Variants in SP4 observed in about 807,000 individuals in gnomAD.
The protein encoded by SP4 is Sp4 transcription factor, also known as transcription factor Sp4.
A neutral mutation model predicts 72.8 loss-of-function variants in SP4; 19 were observed. The observed-to-expected ratio is 0.26, with a 90% CI of 0.18 to 0.38. SP4 has a LOEUF of 0.38. Among genes scored for constraint, SP4 ranks in the 10% least tolerant of loss-of-function variants. The pLI, the probability that SP4 is intolerant of heterozygous loss-of-function variation, is 1.00. For missense variants in SP4, 1,008 were observed against 926.3 expected (o/e 1.09, Z -1.14); for synonymous variants, 395 against 333.1 (o/e 1.19, Z -2.02).
At position 21,470,013 on chromosome 7, in the gene SP4, A is replaced by G. The variant is rs557578627; in HGVS notation, c.1679-7066A>G. 2.0e-4 allele frequency among the ~76,000 whole-genome samples: 30 copies of G among 152,308 alleles called. No individual in the cohort carries two copies. In the South Asian group the frequency reaches 6.2e-3, roughly 32 times the overall value. On this transcript the variant is annotated intron_variant, in intron 3 of 5. Transcript: ENST00000222584. ...GTTATGCTCTGGGATCTGCTTCTAA[A>G]TGATCTGACTGCCATATCAGTGAGT...
At chr7:21,441,713 G>A (rs1163663926) in intron 3 of SP4, among the ~76,000 whole-genome samples, 1 of 152,196 alleles carries the variant, frequency 6.6e-6, no homozygotes, top group Admixed American at 6.5e-5. Flanking sequence ...GGCTGTGGTA[G>A]TGAAGTAAAT....
intron 5 of SP4, 141 bp from the exon 6 acceptor site, chr7:21,510,881 G>T: frequency 1.3e-6 from 1 of 751,186 alleles, no homozygotes. Context: ...ATTTGATAAC[G>T]TTTTTAAATA....
intron 3 of SP4, among the ~76,000 whole-genome samples, chr7:21,446,861 A>C (rs1018986350): frequency 1.3e-5 from 2 of 152,072 alleles, no homozygotes; most frequent in Non-Finnish European, 1.5e-5. Context: ...GGTTCCAAAA[A>C]ATGTTTTGAC....
At chr7:21,454,681 A>G (rs1355721759) in intron 3 of SP4, among the ~76,000 whole-genome samples, 3 of 152,180 alleles carry the variant, frequency 2.0e-5, no homozygotes, top group Admixed American at 2.0e-4. Flanking sequence ...CTGCTTGGTT[A>G]GATTTTTACT....
chr7:21,491,632 C>T (rs886555715), intron 5 of SP4, among the ~76,000 whole-genome samples: 10 of 152,064 alleles, frequency 6.6e-5, no homozygotes, highest in Non-Finnish European at 1.2e-4. Flanking sequence ...GATAAAAAAT[C>T]TTGAAAGAAG....
At chr7:21,437,666 T>G (rs1260079021) in intron 3 of SP4, among the ~76,000 whole-genome samples, 1 of 152,130 alleles carries the variant, frequency 6.6e-6, no homozygotes, top group Non-Finnish European at 1.5e-5. Flanking sequence ...ACAGGTAAGA[T>G]CCTCTCCTTA....
At chr7:21,431,212 G>C (rs1483173059) in intron 3 of SP4, among the ~76,000 whole-genome samples, 2 of 152,198 alleles carry the variant, frequency 1.3e-5, no homozygotes, top group Non-Finnish European at 2.9e-5. Context: ...AGGGAAAGTA[G>C]TTTTAAACTG....
intron 2 of SP4, 41 bp from the exon 3 acceptor site, chr7:21,429,248 T>C: frequency 8.5e-7 from 1 of 1,176,580 alleles, no homozygotes; most frequent in South Asian, 1.4e-5. Context: ...CGCCCACTTT[T>C]TTTCCCCCCC....
chr7:21,441,365 G>C (rs1026759588), intron 3 of SP4, among the ~76,000 whole-genome samples: 1 of 152,194 alleles, frequency 6.6e-6, no homozygotes, highest in Non-Finnish European at 1.5e-5. Flanking sequence ...GTTCTCTTCT[G>C]TGTGCTTCCT....
At chr7:21,484,239 T>C (rs1333088373) in intron 5 of SP4, among the ~76,000 whole-genome samples, 2 of 151,968 alleles carry the variant, frequency 1.3e-5, no homozygotes, top group Non-Finnish European at 2.9e-5. Context: ...TTTTCAGATT[T>C]TGCATGTGCA....
At chr7:21,435,300 A>T (rs1483344582) in intron 3 of SP4, among the ~76,000 whole-genome samples, 1 of 152,156 alleles carries the variant, frequency 6.6e-6, no homozygotes, top group African/African-American at 2.4e-5. Context: ...TCTCTTACCT[A>T]ATTTCTTTAC....
chr7:21,460,206 T>C (rs1783910461), intron 3 of SP4, among the ~76,000 whole-genome samples: 1 of 152,184 alleles, frequency 6.6e-6, no homozygotes, highest in Admixed American at 6.5e-5. Context: ...CCACGGACCC[T>C]TGCGGTGAGT....
At chr7:21,461,161 G>C (rs1331216521) in intron 3 of SP4, among the ~76,000 whole-genome samples, 1 of 152,178 alleles carries the variant, frequency 6.6e-6, no homozygotes, top group African/African-American at 2.4e-5. Context: ...CAGGGCTGCA[G>C]GTGGAGCTGC....
chr7:21,497,183 TCA>T (rs1390573935), intron 5 of SP4, among the ~76,000 whole-genome samples: 1 of 152,248 alleles, frequency 6.6e-6, no homozygotes, highest in Non-Finnish European at 1.5e-5. Flanking sequence ...TGGGGCTACT[TCA>T]CAGAGTCAGA....
chr7:21,504,061 A>G (rs1025414223), intron 5 of SP4, among the ~76,000 whole-genome samples: 10 of 152,094 alleles, frequency 6.6e-5, no homozygotes, highest in African/African-American at 2.2e-4. Context: ...GGGCCTTAAT[A>G]CTAGCTTAGG....
At chr7:21,430,928 G>A (rs553106656) in intron 3 of SP4, 85 bp downstream of exon 3, 3 of 981,774 alleles carry the variant, frequency 3.1e-6, no homozygotes, top group East Asian at 2.4e-5. Context: ...AAGGTTTGAC[G>A]TAGACCTCTG....
chr7:21,490,481 A>G (rs1784946390), intron 5 of SP4, among the ~76,000 whole-genome samples: 1 of 152,294 alleles, frequency 6.6e-6, no homozygotes, highest in Admixed American at 6.5e-5. Context: ...AGGTAAATCA[A>G]CATCATTTTT....
chr7:21,448,599 A>G (rs1179930937), intron 3 of SP4, among the ~76,000 whole-genome samples: 4 of 152,202 alleles, frequency 2.6e-5, no homozygotes, highest in Non-Finnish European at 5.9e-5. Context: ...CCTCAGTAAT[A>G]AACACCTATA....
chr7:21,438,394 C>T (rs1387318207), intron 3 of SP4, among the ~76,000 whole-genome samples: 1 of 151,940 alleles, frequency 6.6e-6, no homozygotes, highest in Non-Finnish European at 1.5e-5. Context: ...GTGATATTTA[C>T]CATTTTTTTT....
Sources: gnomAD v4.1 joint callset for allele counts (sites outside exome capture counted in the v4.1 genomes callset) on GRCh38, gnomAD v4.1.1 for gene constraint, MANE v1.5 for transcripts, NCBI Gene and HGNC (gene_info 2026-07-23, HGNC 2026-07-21) for gene names.